FRMD4B: variants seen among roughly 807,000 people sequenced by gnomAD.
The protein encoded by FRMD4B is FERM domain containing 4B.
FRMD4B carries 74 observed loss-of-function variants against 141.5 expected under a neutral mutation model. That is an observed-to-expected ratio of 0.52 (90% CI 0.43 to 0.63). FRMD4B has a LOEUF of 0.63. Ranked by LOEUF, FRMD4B falls within the 30% of genes least tolerant of loss-of-function variation. The pLI, the probability that FRMD4B is intolerant of heterozygous loss-of-function variation, is 0.00. For synonymous variants in FRMD4B, 506 were observed against 467.9 expected, an observed-to-expected ratio of 1.08 and a Z score of -1.05; for missense variants, 1,366 against 1,253.4, an observed-to-expected ratio of 1.09 and a Z score of -1.36.
intron 2 of FRMD4B, among the ~76,000 whole-genome samples, chr3:69,413,788 C>T (rs990006368): frequency 6.6e-6 from 1 of 152,132 alleles, no homozygotes. Flanking sequence ...GAAGACAATA[C>T]AACCCTGCAT....
intron 16 of FRMD4B, among the ~76,000 whole-genome samples, 166 bp from the exon 17 acceptor site, chr3:69,194,039 A>G (rs574125021): frequency 3.3e-5 from 5 of 152,044 alleles, no homozygotes; most frequent in African/African-American, 9.7e-5. Flanking sequence ...ACTTTCCTTT[A>G]CTCGTCTTAA....
intron 19 of FRMD4B, among the ~76,000 whole-genome samples, chr3:69,185,471 A>G (rs1013754891): frequency 6.6e-6 from 1 of 152,134 alleles, no homozygotes; most frequent in African/African-American, 2.4e-5. Context: ...CTTGTAGAGC[A>G]AATACTTCCC....
At chr3:69,241,537 A>G (rs2093383290) in intron 7 of FRMD4B, among the ~76,000 whole-genome samples, 1 of 152,210 alleles carries the variant, frequency 6.6e-6, no homozygotes, top group Non-Finnish European at 1.5e-5. Flanking sequence ...ATTTCTGTCA[A>G]GTAAGCCTTC....
intron 5 of FRMD4B, among the ~76,000 whole-genome samples, chr3:69,251,813 G>T (rs976256089): frequency 6.6e-6 from 1 of 152,210 alleles, no homozygotes; most frequent in South Asian, 2.1e-4. Flanking sequence ...ATGATGAGGC[G>T]GTTCATCCAA....
At chr3:69,428,669 T>TA (rs1277060669) in intron 2 of FRMD4B, among the ~76,000 whole-genome samples, 1 of 152,074 alleles carries the variant, frequency 6.6e-6, no homozygotes, top group East Asian at 1.9e-4. Context: ...TTCTTAACAT[T>TA]AAAAAACACT....
chr3:69,330,419 T>G (rs1248769848), intron 1 of FRMD4B, among the ~76,000 whole-genome samples: 1 of 147,024 alleles, frequency 6.8e-6, no homozygotes, highest in Non-Finnish European at 1.5e-5. Context: ...TGATCTCGGC[T>G]TACTGCAACC....
chr3:69,243,398 G>A (rs1420630821), intron 7 of FRMD4B, among the ~76,000 whole-genome samples: 1 of 152,186 alleles, frequency 6.6e-6, no homozygotes, highest in Non-Finnish European at 1.5e-5. Flanking sequence ...AAAAAATGAA[G>A]AGAGGCATGA....
chr3:69,513,588 T>C (rs987580565), intron 1 of FRMD4B, among the ~76,000 whole-genome samples: 7 of 152,088 alleles, frequency 4.6e-5, no homozygotes, highest in African/African-American at 9.7e-5. Context: ...AAGCCAAAGA[T>C]GCTACAAGAA....
chr3:69,410,091 T>G (rs896200286), intron 2 of FRMD4B, among the ~76,000 whole-genome samples: 1 of 152,174 alleles, frequency 6.6e-6, no homozygotes, highest in Non-Finnish European at 1.5e-5. Flanking sequence ...CACAATTTCC[T>G]AGTGCACAGA....
At chr3:69,241,340 A>G (rs1365498591) in intron 7 of FRMD4B, among the ~76,000 whole-genome samples, 1 of 152,200 alleles carries the variant, frequency 6.6e-6, no homozygotes, top group African/African-American at 2.4e-5. Context: ...AATGCTGCTT[A>G]TGTGTCCCCT....
chr3:69,183,390 T>G (rs1454107311), intron 19 of FRMD4B, among the ~76,000 whole-genome samples: 4 of 152,084 alleles, frequency 2.6e-5, no homozygotes, highest in Non-Finnish European at 5.9e-5. Flanking sequence ...ACTGGACTGT[T>G]GTTTGCTGGT....
intron 1 of FRMD4B, among the ~76,000 whole-genome samples, chr3:69,437,217 C>T (rs947759671): frequency 2.0e-4 from 30 of 152,008 alleles, no homozygotes; most frequent in African/African-American, 7.0e-4. Context: ...GGACCACAGG[C>T]ACGCGCCACC....
chr3:69,287,937 C>G (rs1700744630), intron 4 of FRMD4B, 101 bp from the exon 5 acceptor site: 1 of 611,864 alleles, frequency 1.6e-6, no homozygotes, highest in South Asian at 2.1e-5. Flanking sequence ...TTTGAGAAAC[C>G]TGAGGAAGGT....
At chr3:69,514,829 C>G (rs965558781) in intron 1 of FRMD4B, among the ~76,000 whole-genome samples, 1 of 151,996 alleles carries the variant, frequency 6.6e-6, no homozygotes, top group Non-Finnish European at 1.5e-5. Flanking sequence ...TGTCAAAATC[C>G]CAATGGCATT....
rs553694628 is a variant in FRMD4B at position 69,294,477 on chromosome 3, T to G, written c.417-6641A>C. Among the ~76,000 whole-genome samples, 4 of 152,352 alleles carry G rather than the reference T, an allele frequency of 2.6e-5. No homozygotes were observed. In the East Asian group the frequency reaches 7.7e-4, roughly 29 times the overall value. Reference sequence around the variant, plus strand: ...TTTCATCTGTGGGAGGGGAACAGTCTTGGAGAATTCCCAGGGGAAGCACTG... The same window carrying G: ...TTTCATCTGTGGGAGGGGAACAGTCGTGGAGAATTCCCAGGGGAAGCACTG... On this transcript the variant is annotated intron_variant, in intron 4 of 22. Transcript: ENST00000398540.
At chr3:69,196,108 T>G in intron 14 of FRMD4B, 147 bp downstream of exon 14, 1 of 632,764 alleles carries the variant, frequency 1.6e-6, no homozygotes. Flanking sequence ...CCTTAAAATT[T>G]TATTCAAAGC....
At chr3:69,286,750 A>G (rs1487159001) in intron 5 of FRMD4B, among the ~76,000 whole-genome samples, 1 of 152,230 alleles carries the variant, frequency 6.6e-6, no homozygotes, top group African/African-American at 2.4e-5. Flanking sequence ...TTTTAAAGCT[A>G]TGCTAGTCTG....
At chr3:69,349,765 A>G (rs1357177472) in intron 1 of FRMD4B, among the ~76,000 whole-genome samples, 1 of 152,220 alleles carries the variant, frequency 6.6e-6, no homozygotes, top group Non-Finnish European at 1.5e-5. Flanking sequence ...AAAACTGGCT[A>G]ACCATATGTA....
chr3:69,370,715 TCTC>T (rs1194587687), intron 1 of FRMD4B, among the ~76,000 whole-genome samples: 1 of 152,204 alleles, frequency 6.6e-6, no homozygotes, highest in African/African-American at 2.4e-5. Flanking sequence ...AATGCTGCTT[TCTC>T]CTCCTCCAAA....
Sources: gnomAD v4.1 joint callset for allele counts (sites outside exome capture counted in the v4.1 genomes callset) on GRCh38, gnomAD v4.1.1 for gene constraint, MANE v1.5 for transcripts, NCBI Gene and HGNC (gene_info 2026-07-23, HGNC 2026-07-21) for gene names.